Variants in FARSB observed in about 807,000 individuals in gnomAD.
The protein encoded by FARSB is phenylalanyl-tRNA synthetase subunit beta.
FARSB carries 40 observed loss-of-function variants against 69.6 expected under a neutral mutation model. The ratio of observed to expected loss-of-function variants is 0.57; its 90% CI spans 0.45 to 0.75. The LOEUF (loss-of-function observed/expected upper bound fraction) is 0.75. FARSB is among the 30% of genes least tolerant of loss of function. FARSB has a pLI of 0.00. For synonymous variants in FARSB, 235 were observed against 247.2 expected, an observed-to-expected ratio of 0.95 and a Z score of 0.46; for missense variants, 632 against 722.9, an observed-to-expected ratio of 0.87 and a Z score of 1.44.
intron 2 of FARSB, among the ~76,000 whole-genome samples, chr2:222,646,577 G>A (rs1691864480): frequency 6.6e-6 from 1 of 152,198 alleles, no homozygotes. Context: ...CTTAACATCA[G>A]CCAGTAATTC....
intron 15 of FARSB, among the ~76,000 whole-genome samples, chr2:222,610,481 C>T (rs1452424102): frequency 6.9e-6 from 1 of 144,222 alleles, no homozygotes; most frequent in African/African-American, 2.5e-5. Context: ...TTTTAGTTTT[C>T]TTATTCTAAA....
rs148604576 is a variant in FARSB, at chr2:222,615,996, T to A, written c.1345-2068A>T. ...ATTTTATCAGTGTATTTTATAGATA[T>A]GCCTTATTTGCATATTTAAAAACCT... On this transcript the variant is annotated intron_variant, in intron 14 of 16. Coordinates refer to ENST00000281828, the MANE Select transcript of FARSB (RefSeq NM_005687.5). Among the ~76,000 whole-genome samples, 652 of 152,338 alleles carry A rather than the reference T, an allele frequency of 4.3e-3. 6 individuals carry two copies. Among genetic ancestry groups the A allele is most frequent in the African/African-American group, 0.015 (615 of 41,570 alleles).
At chr2:222,626,744 T>C (rs941799060) in intron 10 of FARSB, among the ~76,000 whole-genome samples, 1 of 152,126 alleles carries the variant, frequency 6.6e-6, no homozygotes, top group African/African-American at 2.4e-5. Context: ...ATCATCATAT[T>C]GAAAAGAGGC....
At chr2:222,655,582 A>G (rs1446241156) in intron 1 of FARSB, among the ~76,000 whole-genome samples, 1 of 152,210 alleles carries the variant, frequency 6.6e-6, no homozygotes, top group Non-Finnish European at 1.5e-5. Flanking sequence ...GGAAACATTA[A>G]TAAAACGAAG....
At chr2:222,653,269 C>A (rs1692083263) in intron 1 of FARSB, among the ~76,000 whole-genome samples, 2 of 152,122 alleles carry the variant, frequency 1.3e-5, no homozygotes, top group East Asian at 3.8e-4. Flanking sequence ...GAGAAATATC[C>A]TTGCTAAGCA....
rs145983102 is a variant in FARSB at position 222,592,505 on chromosome 2, T to A, written c.1618+7423A>T. 1.6e-3 allele frequency among the ~76,000 whole-genome samples: 236 copies of A among 152,126 alleles called. 1 individual carries two copies. Among genetic ancestry groups the A allele is most frequent in the Admixed American group, 0.014 (207 of 15,258 alleles). On this transcript the variant is annotated intron_variant, in intron 16 of 16. Coordinates refer to ENST00000281828, the MANE Select transcript of FARSB (RefSeq NM_005687.5). ...ACTGCTGATACCTGAGGAAAGTAAA[T>A]CTGTCTCACATGTATAAGATAAAAA...
intron 5 of FARSB, among the ~76,000 whole-genome samples, 155 bp from the exon 6 acceptor site, chr2:222,634,696 T>C (rs2106230808): frequency 6.6e-6 from 1 of 152,328 alleles, no homozygotes; most frequent in Non-Finnish European, 1.5e-5. Context: ...AAACAGCATA[T>C]TGCTACTACA....
Position 222,606,573 on chromosome 2 carries a change from A to C in FARSB, c.1463-6490T>G, listed in dbSNP as rs571269016. On this transcript the variant is annotated intron_variant, in intron 15 of 16. Coordinates refer to ENST00000281828, the MANE Select transcript of FARSB (RefSeq NM_005687.5). ...ACAGACTTCAAAGTACTGCCTGGAG[A>C]GGGCTGATCTAAGCTGCGCAAAGGA... is the stretch of plus-strand genomic sequence containing the variant. Among the ~76,000 whole-genome samples the C allele has an allele frequency of 2.6e-5, 4 of 152,354 alleles. No individual in the cohort carries two copies. In the South Asian group the frequency reaches 8.3e-4, roughly 32 times the overall value.
chr2:222,624,576 T>A, intron 11 of FARSB, 97 bp from the exon 12 acceptor site: 1 of 958,158 alleles, frequency 1.0e-6, no homozygotes, highest in South Asian at 1.5e-5. Flanking sequence ...ACAGTAACCT[T>A]TCTTTTTGAG....
At chr2:222,645,160 C>T (rs969931880) in intron 2 of FARSB, among the ~76,000 whole-genome samples, 13 of 152,086 alleles carry the variant, frequency 8.5e-5, no homozygotes, top group Admixed American at 2.0e-4. Flanking sequence ...TCATATAATC[C>T]AAACCCCTTA....
At chr2:222,613,760 G>GA (rs556265553) in intron 15 of FARSB, 51 bp downstream of exon 15, 4 of 1,196,852 alleles carry the variant, frequency 3.3e-6, no homozygotes, top group East Asian at 2.3e-5. Flanking sequence ...TTTTCATAAT[G>GA]AAAAAAATGT....
intron 13 of FARSB, among the ~76,000 whole-genome samples, chr2:222,621,026 T>C (rs929795662): frequency 3.9e-5 from 6 of 152,156 alleles, no homozygotes; most frequent in Non-Finnish European, 8.8e-5. Context: ...ATAAGCGTTT[T>C]CCCCACAGCA....
chr2:222,594,093 CAAAAAAAAAA>C (rs33937937), intron 16 of FARSB, among the ~76,000 whole-genome samples: 16 of 51,548 alleles, frequency 3.1e-4, no homozygotes, highest in African/African-American at 1.3e-3. Context: ...CCCGCCTCTA[CAAAAAAAAAA>C]AAAAAAAAAA....
At chr2:222,594,607 A>G (rs2106192862) in intron 16 of FARSB, among the ~76,000 whole-genome samples, 1 of 152,262 alleles carries the variant, frequency 6.6e-6, no homozygotes, top group South Asian at 2.1e-4. Context: ...TGAAGGAGCA[A>G]TTAAGGAAAA....
At chr2:222,642,636 T>C (rs891222753) in intron 3 of FARSB, among the ~76,000 whole-genome samples, 2 of 152,226 alleles carry the variant, frequency 1.3e-5, no homozygotes, top group Admixed American at 1.3e-4. Flanking sequence ...AAATATGTTC[T>C]CAAAGATGAA....
At chr2:222,573,875 T>C (rs1388762083) in intron 16 of FARSB, among the ~76,000 whole-genome samples, 1 of 152,244 alleles carries the variant, frequency 6.6e-6, no homozygotes, top group East Asian at 1.9e-4. Context: ...GTATATTGTG[T>C]GATGCTGATG....
chr2:222,588,093 T>C (rs2106186877), intron 16 of FARSB, among the ~76,000 whole-genome samples: 1 of 152,210 alleles, frequency 6.6e-6, no homozygotes, highest in South Asian at 2.1e-4. Context: ...CTGATGAACA[T>C]CGATGCAAAA....
intron 3 of FARSB, among the ~76,000 whole-genome samples, chr2:222,642,362 A>G (rs183598043): frequency 5.1e-4 from 77 of 152,370 alleles, no homozygotes; most frequent in African/African-American, 1.7e-3. Context: ...ATTATAGATT[A>G]GGAAATTGAA....
intron 8 of FARSB, among the ~76,000 whole-genome samples, 153 bp downstream of exon 8, chr2:222,631,451 T>A (rs369381712): frequency 4.9e-4 from 75 of 152,352 alleles, no homozygotes; most frequent in African/African-American, 1.7e-3. Flanking sequence ...AACCAAAGTG[T>A]AGAATATCTC....
Sources: gnomAD v4.1 joint callset for allele counts (sites outside exome capture counted in the v4.1 genomes callset) on GRCh38, gnomAD v4.1.1 for gene constraint, MANE v1.5 for transcripts, NCBI Gene and HGNC (gene_info 2026-07-23, HGNC 2026-07-21) for gene names.